Variants in FBXO34 observed in about 807,000 individuals in gnomAD.
FBXO34 encodes the protein F-box only protein 34.
Under a neutral mutation model 24.5 loss-of-function variants are expected in FBXO34, and 12 were observed. The ratio of observed to expected loss-of-function variants is 0.49; its 90% CI spans 0.31 to 0.79. The LOEUF is 0.79. FBXO34 is among the 30% of genes least tolerant of loss of function. The probability of loss-of-function intolerance (pLI) is 0.04; values close to 1 mark genes in which losing one functional copy is unlikely to be tolerated. For missense variants in FBXO34, 823 were observed against 857.7 expected, an observed-to-expected ratio of 0.96 and a Z score of 0.51; for synonymous variants, 320 against 311.9, an observed-to-expected ratio of 1.03 and a Z score of -0.27.
rs770704574 is a variant in FBXO34 at position 55,352,572 on chromosome 14, A to G, written c.*46A>G. 6.7e-7 allele frequency: 1 copy of G among 1,493,968 alleles called. No individual in the cohort carries two copies. The highest frequency in any genetic ancestry group is 9.1e-7 in the Non-Finnish European group (1 of 1,104,010). The allele number at this position is 1,493,968 out of a possible 1,614,324, so 92.5% of individuals were successfully genotyped here. A position where few individuals can be genotyped will look rare whatever the true frequency, so the allele number is the denominator to read the frequency against. ...AAAGGACCGGTTTCTAAAGCTGCAA[A>G]ACACCTAGATACACCGTTCAAATGA... On this transcript the variant is annotated 3_prime_UTR_variant, in exon 2 of 2. Coordinates refer to ENST00000313833, the MANE Select transcript of FBXO34 (RefSeq NM_017943.4).
chr14:55,305,447 G>A (rs1371788857), intron 1 of FBXO34, among the ~76,000 whole-genome samples: 2 of 151,430 alleles, frequency 1.3e-5, no homozygotes, highest in Non-Finnish European at 2.9e-5. Flanking sequence ...GTCCGGGTGC[G>A]GTGCGTGGTG....
At chr14:55,323,062 G>GT (rs1403743416) in intron 1 of FBXO34, among the ~76,000 whole-genome samples, 1 of 143,962 alleles carries the variant, frequency 6.9e-6, no homozygotes, top group Non-Finnish European at 1.5e-5. Flanking sequence ...GTGGGTGCCT[G>GT]TAGTCCCAGC....
At chr14:55,308,016 G>C (rs1243897704) in intron 1 of FBXO34, among the ~76,000 whole-genome samples, 2 of 152,094 alleles carry the variant, frequency 1.3e-5, no homozygotes, top group Admixed American at 1.3e-4. Context: ...TTCTCCTCGT[G>C]GTAATAAGTC....
At chr14:55,425,222 C>A in the FBXO34 span, among the ~76,000 whole-genome samples, 1 of 152,152 alleles carries the variant, frequency 6.6e-6, no homozygotes, top group Non-Finnish European at 1.5e-5. Flanking sequence ...TCTTCTGGAA[C>A]ATCACTCTGT....
the FBXO34 span, among the ~76,000 whole-genome samples, chr14:55,426,845 G>T: frequency 6.6e-6 from 1 of 152,228 alleles, no homozygotes; most frequent in African/African-American, 2.4e-5. Flanking sequence ...CCTTCCAGAA[G>T]CTGGTAGTAA....
the FBXO34 span, chr14:55,411,695 C>G: frequency 1.2e-6 from 2 of 1,612,960 alleles, no homozygotes; most frequent in Non-Finnish European, 1.7e-6. Flanking sequence ...GCACAGCGGG[C>G]AGCGCTCCAC....
At chr14:55,424,828 T>C in the FBXO34 span, among the ~76,000 whole-genome samples, 7 of 152,164 alleles carry the variant, frequency 4.6e-5, no homozygotes, top group Non-Finnish European at 1.0e-4. Flanking sequence ...AAATATAAGC[T>C]GGCCACTCCA....
chr14:55,303,646 T>TA (rs1882440299), intron 1 of FBXO34, among the ~76,000 whole-genome samples: 1 of 151,370 alleles, frequency 6.6e-6, no homozygotes, highest in Non-Finnish European at 1.5e-5. Context: ...TATGGGAACA[T>TA]ACTTTTCTTT....
Position 55,287,441 on chromosome 14 carries a change from T to G in FBXO34, c.-11+15904T>G, listed in dbSNP as rs538220720. Among the ~76,000 whole-genome samples the G allele has an allele frequency of 4.7e-4, 72 of 152,206 alleles. 1 individual carries two copies. Among genetic ancestry groups the G allele is most frequent in the African/African-American group, 1.7e-3 (71 of 41,532 alleles). On this transcript the variant is annotated intron_variant, in intron 1 of 1. Transcript: ENST00000313833. ...TTCACACATAAGTATAAGAAAAAAG[T>G]AAAAAATAACAGTAAAAAGTATGAC...
intron 1 of FBXO34, chr14:55,285,702 C>CAA (rs1881738758): frequency 6.6e-6 from 1 of 152,212 alleles, no homozygotes; most frequent in Non-Finnish European, 1.5e-5. Context: ...ATTTGTTGGT[C>CAA]TACTTAAATA....
Position 55,336,824 on chromosome 14 carries a change from T to TAAA in FBXO34, c.-10-13547_-10-13545dup, listed in dbSNP as rs10649185. Among the ~76,000 whole-genome samples, 97 of 142,612 alleles carry TAAA rather than the reference T, an allele frequency of 6.8e-4. 3 individuals carry two copies. The South Asian group carries it at 9.7e-3, about 14-fold the overall frequency. The allele number at this position is 142,612 out of a possible 152,430, so 93.6% of individuals were successfully genotyped here. A position where few individuals can be genotyped will look rare whatever the true frequency, so the allele number is the denominator to read the frequency against. ...ACATTTTGAGAACTTCCCAGAAATG[T>TAAA]AAAAAAAAAAAATGCTATACACATA... On this transcript the variant is annotated intron_variant, in intron 1 of 1. Coordinates refer to ENST00000313833, the MANE Select transcript of FBXO34 (RefSeq NM_017943.4).
chr14:55,324,638 C>G (rs549647495), intron 1 of FBXO34, among the ~76,000 whole-genome samples: 1 of 152,076 alleles, frequency 6.6e-6, no homozygotes. Flanking sequence ...AATATGATAG[C>G]TGGCATCTTT....
At position 55,350,408 on chromosome 14, in the gene FBXO34, T is replaced by C. The variant is rs141749540; in HGVS notation, c.18T>C (p.Tyr6=). 5.0e-6 allele frequency: 8 copies of C among 1,584,180 alleles called. No homozygotes were observed. In the African/African-American group the frequency reaches 5.5e-5, roughly 11 times the overall value. The change falls in exon 2 of 2, where the codon TAT becomes TAC. Residue 6 remains tyrosine (Y), a synonymous_variant. Transcript: ENST00000313833. MHLKP[Y]WKLQKKEHPP... Reference sequence around the variant, plus strand: ...GCTTTGTTATGCACCTAAAGCCATATTGGAAGCTCCAGAAGAAAGAGCACC... The same window carrying C: ...GCTTTGTTATGCACCTAAAGCCATACTGGAAGCTCCAGAAGAAAGAGCACC...
chr14:55,316,929 A>G (rs1170693222), intron 1 of FBXO34, among the ~76,000 whole-genome samples: 1 of 152,192 alleles, frequency 6.6e-6, no homozygotes, highest in Non-Finnish European at 1.5e-5. Flanking sequence ...CTCATATTCA[A>G]TAGTGAGATT....
At chr14:55,433,334 A>G in the FBXO34 span, among the ~76,000 whole-genome samples, 4 of 119,050 alleles carry the variant, frequency 3.4e-5, no homozygotes, top group South Asian at 2.3e-4. Context: ...TTTTTTTTTA[A>G]CAGAGATGGA....
chr14:55,440,447 C>A, the FBXO34 span: 1 of 1,612,796 alleles, frequency 6.2e-7, no homozygotes, highest in Non-Finnish European at 8.5e-7. Context: ...CCTCCTGCTC[C>A]ATGGACCGTA....
chr14:55,280,390 G>C (rs577976015), intron 1 of FBXO34, among the ~76,000 whole-genome samples: 1 of 152,178 alleles, frequency 6.6e-6, no homozygotes, highest in Admixed American at 6.5e-5. Flanking sequence ...TTTTTTTCTT[G>C]TCATGACAGT....
rs1479171877 is a variant in FBXO34, at chr14:55,331,729, G to A, written c.-10-18652G>A. 1.6e-3 allele frequency among the ~76,000 whole-genome samples: 44 copies of A among 27,968 alleles called. 2 individuals are homozygous for A. Among genetic ancestry groups the A allele is most frequent in the African/African-American group, 7.5e-3 (17 of 2,254 alleles). 18.3% of individuals were successfully genotyped at this position (27,968 alleles called of 152,430 possible). The stretch of plus-strand genomic sequence containing the variant: ...TGTATATATATATGTATATATATAT[G>A]TATATATATATGTGTGTATATATAT... On this transcript the variant is annotated intron_variant, in intron 1 of 1. Coordinates refer to ENST00000313833, the MANE Select transcript of FBXO34 (RefSeq NM_017943.4).
At chr14:55,400,254 C>T in the FBXO34 span, among the ~76,000 whole-genome samples, 1 of 152,054 alleles carries the variant, frequency 6.6e-6, no homozygotes, top group African/African-American at 2.4e-5. Flanking sequence ...ATACAGCTTC[C>T]AAGAGGTGAA....
Sources: allele counts gnomAD v4.1 joint callset (sites outside exome capture counted in the v4.1 genomes callset), GRCh38; gene constraint gnomAD v4.1.1; transcripts MANE v1.5; gene names NCBI Gene and HGNC (gene_info 2026-07-23, HGNC 2026-07-21).